The following INTS11 variants were observed in gnomAD, a reference collection of about 807,000 sequenced individuals.
INTS11 encodes the protein CPSF3-like protein.
INTS11 carries 77 observed loss-of-function variants against 78.6 expected under a neutral mutation model. The observed-to-expected ratio is 0.98, with a 90% CI of 0.81 to 1.18. The LOEUF (loss-of-function observed/expected upper bound fraction) is 1.18, where lower values mean the gene tolerates loss of function less well. Among genes scored for constraint, INTS11 ranks in the 50% most tolerant of loss-of-function variants. The pLI, the probability that INTS11 is intolerant of heterozygous loss-of-function variation, is 0.00. For missense variants in INTS11, 875 were observed against 825.9 expected (o/e 1.06, Z -0.73); for synonymous variants, 441 against 326.9 (o/e 1.35, Z -3.77).
intron 1 of INTS11, among the ~76,000 whole-genome samples, chr1:1,324,318 C>G (rs1643203703): frequency 6.6e-6 from 1 of 152,150 alleles, no homozygotes; most frequent in African/African-American, 2.4e-5. Context: ...ACAGCGAGCG[C>G]GAAGGCCCCG....
Position 1,312,213 on chromosome 1 carries a change from G to GGGGGGGCCCGCCCCCCCC in INTS11, c.1607+12_1607+13insGGGGGGGGCGGGCCCCCC. ...CCCAAGGGAGTGGGGGGGGGGCGGG[G>GGGGGGGCCCGCCCCCCCC]CCGGGCGCCCACCTCTTGAGGTGGC... On this transcript the variant is annotated intron_variant, in intron 15 of 16. Transcript: ENST00000435064. 1 of 934,624 alleles carries GGGGGGGCCCGCCCCCCCC rather than the reference G, an allele frequency of 1.1e-6. No individual in the cohort carries two copies. Among genetic ancestry groups the GGGGGGGCCCGCCCCCCCC allele is most frequent in the Non-Finnish European group, 1.6e-6 (1 of 636,672 alleles). The allele number at this position is 934,624 out of a possible 1,614,324, so 57.9% of individuals were successfully genotyped here. A position where few individuals can be genotyped will look rare whatever the true frequency, so the allele number is the denominator to read the frequency against.
At chr1:1,321,833 C>A in intron 1 of INTS11, 1 of 1,123,592 alleles carries the variant, frequency 8.9e-7, no homozygotes, top group South Asian at 2.9e-5. Context: ...AGGAAAGGGT[C>A]ACGGCCCCTG....
rs372373807 is a variant in INTS11 at position 1,312,414 on chromosome 1, C to G, written c.1464+26G>C. The G allele has an allele frequency of 1.1e-4, 165 of 1,564,718 alleles. No individual in the cohort carries two copies. The African/African-American group carries it at 1.5e-3, about 14-fold the overall frequency. ...AGTGAGCGCAGCAGCGGCCCTCCCC[C>G]CTCCAGAGACCGTCCTGGCACTCAC... On this transcript the variant is annotated intron_variant, in intron 14 of 16. Transcript: ENST00000435064.
Position 1,313,104 on chromosome 1 carries a change from G to A in INTS11, c.1062C>T (p.Cys354=), listed in dbSNP as rs140151309. 7.0e-5 allele frequency: 113 copies of A among 1,608,050 alleles called. No individual in the cohort carries two copies. Among genetic ancestry groups the A allele is most frequent in the African/African-American group, 1.2e-4 (9 of 75,064 alleles). ...TCTTGTGGCCGACGGTGCCCTGCAC[G>A]CAGTAGCCGGGCATGATGACCTGGG... The part of the protein sequence containing the change: ...EKNMVIMPGY[C]VQGTVGHKIL... The change falls in exon 11 of 17, where the codon TGC becomes TGT. Residue 354 remains cysteine (C), a synonymous_variant. Transcript: ENST00000435064.
chr1:1,312,571 C>T, intron 13 of INTS11, 22 bp downstream of exon 13: 1 of 1,579,226 alleles, frequency 6.3e-7, no homozygotes, highest in Non-Finnish European at 8.6e-7. Flanking sequence ...GCACCCTGCC[C>T]TGCCCTGCCC....
rs1480674704 is a variant in INTS11, at chr1:1,312,910, C to T, written c.1171G>A (p.Ala391Thr). 4 of 1,612,288 alleles carry T rather than the reference C, an allele frequency of 2.5e-6. No individual in the cohort carries two copies. Among genetic ancestry groups the T allele is most frequent in the African/African-American group, 1.3e-5 (1 of 74,948 alleles). Residue 391 changes from alanine (A) to threonine (T), a missense_variant, in exon 12 of 17, where the codon GCA becomes ACA. Transcript: ENST00000435064. ...KMQVEYMSFS[A>T]HADAKGIMQL... ...ATGATGCCCTTGGCGTCCGCGTGTG[C>T]GCTGAATGACATGTACTCCACCTGC... is the stretch of plus-strand genomic sequence containing the variant.
intron 4 of INTS11, 92 bp downstream of exon 4, chr1:1,319,204 C>T (rs1226651656): frequency 2.6e-6 from 3 of 1,175,100 alleles, no homozygotes; most frequent in East Asian, 2.3e-5. Flanking sequence ...CCTGAGGCCC[C>T]AGCCTTCCAG....
Position 1,314,982 on chromosome 1 carries a change from G to A in INTS11, c.564-20C>T, listed in dbSNP as rs1233689879. 1 of 1,610,392 alleles carries A rather than the reference G, an allele frequency of 6.2e-7. No individual in the cohort carries two copies. The highest frequency in any genetic ancestry group is 1.7e-5 in the Admixed American group (1 of 59,984). ...GCAGCTCTGGAACACGGGGGTGGGG[G>A]TGTGAGCCACGATGCACTGTCCCCA... On this transcript the variant is annotated intron_variant, in intron 6 of 16. Transcript: ENST00000435064. This position sits in a 1 kb window ranked among gnomAD's most constrained non-coding sequence, Gnocchi z 4.2.
intron 2 of INTS11, chr1:1,320,757 GGTCTCACGGA>G: frequency 1.4e-6 from 1 of 713,156 alleles, no homozygotes; most frequent in East Asian, 2.7e-5. Context: ...CTGAGCCCAG[GGTCTCACGGA>G]GTCCAGCCTA....
chr1:1,313,612 A>C lies in INTS11; in HGVS notation c.958-20T>G. 1 of 1,612,764 alleles carries C rather than the reference A, an allele frequency of 6.2e-7. No homozygotes were observed. On this transcript the variant is annotated intron_variant, in intron 9 of 16. Transcript: ENST00000435064. ...CACAACCTACAGGACACACAGGGCC[A>C]GGTGGGGGGTCAGGGCAGCAGATGC...
chr1:1,318,718 A>G, intron 4 of INTS11: 1 of 474,798 alleles, frequency 2.1e-6, no homozygotes, highest in South Asian at 4.6e-5. Context: ...GTTCAATCAG[A>G]AAATTAAATG....
At position 1,314,719 on chromosome 1, in the gene INTS11, A is replaced by AC. The variant is rs1365491814; in HGVS notation, c.702+104dup. 3.0e-6 allele frequency: 4 copies of AC among 1,321,266 alleles called. No homozygotes were observed. The highest frequency in any genetic ancestry group is 2.8e-5 in the South Asian group (2 of 71,978). The allele number at this position is 1,321,266 out of a possible 1,614,324, so 81.8% of individuals were successfully genotyped here. A position where few individuals can be genotyped will look rare whatever the true frequency, so the allele number is the denominator to read the frequency against. ...TTCCCTCCCTGCCTGAAAATGCAGTACCCCCCACCCTGAGACCCTGACCCA... is the reference window on the plus strand; with the variant it reads ...TTCCCTCCCTGCCTGAAAATGCAGTACCCCCCCACCCTGAGACCCTGACCCA... On this transcript the variant is annotated intron_variant, in intron 7 of 16. Transcript: ENST00000435064. The surrounding 1 kb of genome is among the most constrained non-coding windows in gnomAD (Gnocchi z 4.2).
chr1:1,313,950 T>C, intron 8 of INTS11, 29 bp from the exon 9 acceptor site: 1 of 1,601,854 alleles, frequency 6.2e-7, no homozygotes, highest in Non-Finnish European at 8.5e-7. Flanking sequence ...GTCAGCACAG[T>C]GGCCACAGGG....
At chr1:1,320,876 G>A in intron 2 of INTS11, 120 bp downstream of exon 2, 1 of 938,432 alleles carries the variant, frequency 1.1e-6, no homozygotes, top group Non-Finnish European at 1.7e-6. Flanking sequence ...CCCACAGGGT[G>A]CAGCCATCCA....
chr1:1,314,087 A>G lies in INTS11; in HGVS notation c.768-166T>C. ...ATTAAGCCCTGCAGCAGCCGGGCTCAGCGGAGAACCAGGAACCCCTACAAG... is the reference window on the plus strand; with the variant it reads ...ATTAAGCCCTGCAGCAGCCGGGCTCGGCGGAGAACCAGGAACCCCTACAAG... On this transcript the variant is annotated intron_variant, in intron 8 of 16. Transcript: ENST00000435064. The surrounding 1 kb of genome is among the most constrained non-coding windows in gnomAD (Gnocchi z 4.2). The G allele has an allele frequency of 2.5e-6, 2 of 796,546 alleles. No individual in the cohort carries two copies. The highest frequency in any genetic ancestry group is 4.0e-6 in the Non-Finnish European group (2 of 496,648). 49.3% of individuals were successfully genotyped at this position (796,546 alleles called of 1,614,324 possible). A position where few individuals can be genotyped will look rare whatever the true frequency, so the allele number is the denominator to read the frequency against.
chr1:1,312,318 A>G lies in INTS11; in HGVS notation c.1515T>C (p.Ala505=). Residue 505 remains alanine, a synonymous_variant, in exon 15 of 17, where the codon GCT becomes GCC. Coordinates refer to ENST00000435064, the MANE Select transcript of INTS11 (RefSeq NM_017871.6). ...GGCAGGTGAAGCGCAGCTGGTGCTC[A>G]GCCAGACCCAGCTCTTTGAGGGCTT... ...SEQALKELGL[A]EHQLRFTCRV... is the part of the protein sequence containing the mutation. 2 of 1,553,054 alleles carry G rather than the reference A, an allele frequency of 1.3e-6. No individual in the cohort carries two copies. The highest frequency in any genetic ancestry group is 1.2e-5 in the South Asian group (1 of 84,298).
chr1:1,312,175 C>T lies in INTS11; in HGVS notation c.1608-28G>A, dbSNP rs113412865. The T allele has an allele frequency of 0.011, 16,092 of 1,490,420 alleles. 1,606 individuals are homozygous for T. The African/African-American group carries it at 0.22, about 20-fold the overall frequency. The allele number at this position is 1,490,420 out of a possible 1,614,324, so 92.3% of individuals were successfully genotyped here. A position where few individuals can be genotyped will look rare whatever the true frequency, so the allele number is the denominator to read the frequency against. Reference sequence around the variant, plus strand: ...GTGGGGAGGCTCGGTGAGACCCTGCCTGGCCTCCAGGGCCCAAGGGAGTGG... The same window carrying T: ...GTGGGGAGGCTCGGTGAGACCCTGCTTGGCCTCCAGGGCCCAAGGGAGTGG... On this transcript the variant is annotated intron_variant, in intron 15 of 16. Coordinates refer to ENST00000435064, the MANE Select transcript of INTS11 (RefSeq NM_017871.6).
At position 1,312,105 on chromosome 1, in the gene INTS11, A is replaced by C. The variant is rs1172342793; in HGVS notation, c.1650T>G (p.Ser550=). ...DHCVQHLPDG[S]VTVESVLLQA... is the part of the protein sequence containing the mutation. Reference sequence around the variant, plus strand: ...GGAGGAGGACGGACTCCACAGTCACAGAGCCGTCTGGGAGGTGCTGCACAC... The same window carrying C: ...GGAGGAGGACGGACTCCACAGTCACCGAGCCGTCTGGGAGGTGCTGCACAC... Residue 550 remains serine (S), a synonymous_variant, in exon 16 of 17, where the codon TCT becomes TCG. Coordinates refer to ENST00000435064, the MANE Select transcript of INTS11 (RefSeq NM_017871.6). The C allele has an allele frequency of 1.3e-6, 2 of 1,572,944 alleles. No homozygotes were observed. Among genetic ancestry groups the C allele is most frequent in the Admixed American group, 1.8e-5 (1 of 55,176 alleles).
At position 1,313,043 on chromosome 1, in the gene INTS11, G is replaced by A. The variant is rs746446373; in HGVS notation, c.1123C>T (p.Arg375Trp). ...SGQRKLEMEG[R>W]QVLEVKMQVE... Reference sequence around the variant, plus strand: ...GCGGGGTCGAGACTCACCACCTGCCGCCCCTCCATCTCGAGCTTCCGCTGC... The same window carrying A: ...GCGGGGTCGAGACTCACCACCTGCCACCCCTCCATCTCGAGCTTCCGCTGC... The change falls in exon 11 of 17, where the codon CGG becomes TGG. Residue 375 changes from arginine (R) to tryptophan (W), a missense_variant. By Grantham distance (101) the Arg-to-Trp change is moderately radical. Transcript: ENST00000435064. 3.1e-6 allele frequency: 5 copies of A among 1,610,716 alleles called. No individual in the cohort carries two copies. Among genetic ancestry groups the A allele is most frequent in the East Asian group, 4.5e-5 (2 of 44,876 alleles).
Sources: allele counts gnomAD v4.1 joint callset (sites outside exome capture counted in the v4.1 genomes callset), GRCh38; gene constraint gnomAD v4.1.1; non-coding constraint Gnocchi (gnomAD v3.1); transcripts MANE v1.5; gene names NCBI Gene and HGNC (gene_info 2026-07-23, HGNC 2026-07-21).